The following TMOD2 variants were observed in gnomAD, a reference collection of about 807,000 sequenced individuals.
TMOD2 encodes the protein tropomodulin 2, also known as tropomodulin-2.
A neutral mutation model predicts 39.9 loss-of-function variants in TMOD2; 22 were observed. That is an observed-to-expected ratio of 0.55 (90% confidence interval 0.39 to 0.79). TMOD2 has a LOEUF of 0.79. Among genes scored for constraint, TMOD2 ranks in the 30% least tolerant of loss-of-function variants. TMOD2 has a pLI of 0.00. For synonymous variants in TMOD2, 123 were observed against 146.1 expected (o/e 0.84, Z 1.14); for missense variants, 386 against 413.3 (o/e 0.93, Z 0.57).
At chr15:51,780,962 A>G in intron 5 of TMOD2, 82 bp from the exon 6 acceptor site, 2 of 1,186,346 alleles carry the variant, frequency 1.7e-6, no homozygotes, top group Non-Finnish European at 2.4e-6. Context: ...AGCATATGAA[A>G]GAAATGTCAT....
chr15:51,766,107 C>A (rs535962095), intron 1 of TMOD2, among the ~76,000 whole-genome samples: 1 of 152,312 alleles, frequency 6.6e-6, no homozygotes, highest in South Asian at 2.1e-4. Flanking sequence ...GCCACTTTCA[C>A]CTCAGAATTG....
chr15:51,778,304 G>A (rs1401156268), intron 5 of TMOD2, among the ~76,000 whole-genome samples: 5 of 134,640 alleles, frequency 3.7e-5, no homozygotes, highest in African/African-American at 1.1e-4. Flanking sequence ...CATGGACACA[G>A]GAAGGGGAAC....
At chr15:51,802,212 T>TC (rs1456716227) in intron 8 of TMOD2, among the ~76,000 whole-genome samples, 2 of 151,150 alleles carry the variant, frequency 1.3e-5, no homozygotes, top group Non-Finnish European at 3.0e-5. Flanking sequence ...ATCTCCTTCC[T>TC]CCCCCTCAAA....
chr15:51,800,010 A>T (rs1186051002), intron 8 of TMOD2, among the ~76,000 whole-genome samples: 1 of 152,240 alleles, frequency 6.6e-6, no homozygotes, highest in Non-Finnish European at 1.5e-5. Context: ...CATAAAATAC[A>T]GTTAAATTTG....
At chr15:51,773,934 G>A (rs2055870780) in intron 4 of TMOD2, 100 bp downstream of exon 4, 3 of 1,350,884 alleles carry the variant, frequency 2.2e-6, no homozygotes, top group African/African-American at 1.5e-5. Context: ...TTAGGTAGGA[G>A]AATGACAGGT....
Position 51,810,556 on chromosome 15 carries a change from C to G in TMOD2, c.*2102C>G, listed in dbSNP as rs536740171. The G allele has an allele frequency of 6.6e-6, 1 of 152,218 alleles. No homozygotes were observed. The highest frequency in any genetic ancestry group is 1.9e-4 in the East Asian group (1 of 5,188). The allele number at this position is 152,218 out of a possible 1,614,324, so 9.4% of individuals were successfully genotyped here. On this transcript the variant is annotated 3_prime_UTR_variant, in exon 10 of 10. Coordinates refer to ENST00000249700, the MANE Select transcript of TMOD2 (RefSeq NM_014548.4). ...TAAGAAATTGGGGTTTTCTCCCTCTCCAGATTGCTGGTTGATAAACATTCA... is the reference window on the plus strand; with the variant it reads ...TAAGAAATTGGGGTTTTCTCCCTCTGCAGATTGCTGGTTGATAAACATTCA...
At chr15:51,771,164 TAGG>T (rs1180882617) in intron 3 of TMOD2, among the ~76,000 whole-genome samples, 2 of 152,108 alleles carry the variant, frequency 1.3e-5, no homozygotes. Flanking sequence ...TAGTGTAGCT[TAGG>T]AGAAGGTTGA....
chr15:51,761,740 T>A lies in TMOD2; in HGVS notation c.-69-4633T>A, dbSNP rs538085295. On this transcript the variant is annotated intron_variant, in intron 1 of 9. Transcript: ENST00000249700. ...CCCTGTCTTTAAAAAAAAAAAAAAA[T>A]TCAAATAGAATCTTATAAACTCTAA... 5.3e-5 allele frequency among the ~76,000 whole-genome samples: 8 copies of A among 151,100 alleles called. No individual in the cohort carries two copies. In the East Asian group the frequency reaches 1.2e-3, roughly 22 times the overall value.
chr15:51,781,027 GA>G lies in TMOD2; in HGVS notation c.494-13del, dbSNP rs1158829821. On this transcript the variant is annotated splice_polypyrimidine_tract_variant and intron_variant, in intron 5 of 9. Transcript: ENST00000249700. ...GGAGAGACTTTGCATTTTTTAAAAT[GA>G]AAACTTGTGTTTTAGATGTTGTCAA... The G allele has an allele frequency of 1.3e-6, 2 of 1,570,176 alleles. No homozygotes were observed. Among genetic ancestry groups the G allele is most frequent in the South Asian group, 1.2e-5 (1 of 84,364 alleles).
chr15:51,797,341 G>A (rs2056058037), intron 7 of TMOD2, among the ~76,000 whole-genome samples: 1 of 152,146 alleles, frequency 6.6e-6, no homozygotes, highest in Non-Finnish European at 1.5e-5. Context: ...GAAGGTGCTG[G>A]GAGGGATAGT....
At chr15:51,773,888 G>A in intron 4 of TMOD2, 54 bp downstream of exon 4, 1 of 1,549,690 alleles carries the variant, frequency 6.5e-7, no homozygotes, top group Non-Finnish European at 8.7e-7. Flanking sequence ...CTCCGAGCAT[G>A]CACTGGCACC....
chr15:51,764,280 G>A (rs1402653097), intron 1 of TMOD2, among the ~76,000 whole-genome samples: 1 of 152,124 alleles, frequency 6.6e-6, no homozygotes, highest in Non-Finnish European at 1.5e-5. Context: ...TGGTACCACT[G>A]CATTCCAGCC....
At chr15:51,790,420 C>T (rs1487748087) in intron 7 of TMOD2, among the ~76,000 whole-genome samples, 2 of 152,052 alleles carry the variant, frequency 1.3e-5, no homozygotes, top group Admixed American at 6.5e-5. Flanking sequence ...CGAATTCTAC[C>T]AGAGGTACAA....
rs2055895102 is a variant in TMOD2 at position 51,777,114 on chromosome 15, C to CT, written c.493+97dup. 5.9e-6 allele frequency: 6 copies of CT among 1,012,610 alleles called. No individual in the cohort carries two copies. The East Asian group carries it at 1.6e-4, about 27-fold the overall frequency. 62.7% of individuals were successfully genotyped at this position (1,012,610 alleles called of 1,614,324 possible). ...TGTTGAGTCTTGCAGGCTTTACACT[C>CT]TGTCATTTTGCTAGGATCACTTGGG... On this transcript the variant is annotated intron_variant, in intron 5 of 9. Coordinates refer to ENST00000249700, the MANE Select transcript of TMOD2 (RefSeq NM_014548.4).
At chr15:51,796,887 G>A (rs898125340) in intron 7 of TMOD2, among the ~76,000 whole-genome samples, 4 of 152,118 alleles carry the variant, frequency 2.6e-5, no homozygotes, top group East Asian at 1.9e-4. Context: ...ATCTACCTCC[G>A]GTGATCCTGG....
Position 51,800,364 on chromosome 15 carries a change from A to G in TMOD2, c.876+2024A>G, listed in dbSNP as rs186562150. The stretch of plus-strand genomic sequence containing the variant: ...AGCCTGGCCAACATGATGAAATCCC[A>G]TATCTGCCAAAAAATCCAGAAATTA... On this transcript the variant is annotated intron_variant, in intron 8 of 9. Transcript: ENST00000249700. Among the ~76,000 whole-genome samples the G allele has an allele frequency of 1.6e-4, 24 of 152,270 alleles. No individual in the cohort carries two copies. The South Asian group carries it at 1.7e-3, about 11-fold the overall frequency.
chr15:51,794,795 G>A (rs2056036806), intron 7 of TMOD2, among the ~76,000 whole-genome samples: 1 of 152,038 alleles, frequency 6.6e-6, no homozygotes, highest in Admixed American at 6.5e-5. Flanking sequence ...AAAAGATGAG[G>A]GTAGTTCTAT....
Position 51,781,121 on chromosome 15 carries a change from C to G in TMOD2, c.571C>G (p.Gln191Glu). The change falls in exon 6 of 10, where the codon CAG becomes GAG. Residue 191 changes from glutamine to glutamate, a missense_variant. By Grantham distance (29) the Gln-to-Glu change is conservative. Coordinates refer to ENST00000249700, the MANE Select transcript of TMOD2 (RefSeq NM_014548.4). ...CACAAATGTGGAAATAAGCCTGCAGCAGATGAAAGCCAATGATCCTAGCTT... is the reference window on the plus strand; with the variant it reads ...CACAAATGTGGAAATAAGCCTGCAGGAGATGAAAGCCAATGATCCTAGCTT... ...NPTNVEISLQQMKANDPSLQE... is the reference protein window; with the variant it reads ...NPTNVEISLQEMKANDPSLQE... 1.2e-6 allele frequency: 2 copies of G among 1,612,822 alleles called. No individual in the cohort carries two copies. Among genetic ancestry groups the G allele is most frequent in the Non-Finnish European group, 1.7e-6 (2 of 1,179,596 alleles).
chr15:51,801,235 T>TCACACACACACACACACACA (rs745892590), intron 8 of TMOD2, among the ~76,000 whole-genome samples: 2 of 108,928 alleles, frequency 1.8e-5, no homozygotes, highest in African/African-American at 7.8e-5. Flanking sequence ...TCTCTCTCTC[T>TCACACACACACACACACACA]CTCACACACA....
Sources: allele counts gnomAD v4.1 joint callset (sites outside exome capture counted in the v4.1 genomes callset), GRCh38; gene constraint gnomAD v4.1.1; transcripts MANE v1.5; gene names NCBI Gene and HGNC (gene_info 2026-07-23, HGNC 2026-07-21).